Variants in SEC62 observed in about 807,000 individuals in gnomAD.
SEC62 encodes SEC62 preprotein translocation factor.
In SEC62, 10 loss-of-function variants were observed where a neutral mutation model predicts 47.5. The ratio of observed to expected loss-of-function variants is 0.21; its 90% CI spans 0.13 to 0.36. SEC62 has a LOEUF of 0.36. Among genes scored for constraint, SEC62 ranks in the 10% least tolerant of loss-of-function variants. SEC62 has a pLI of 1.00. For synonymous variants in SEC62, 136 were observed against 150.5 expected (o/e 0.90, Z 0.71); for missense variants, 327 against 464.1 (o/e 0.70, Z 2.71).
chr3:169,992,563 TACTC>T lies in SEC62; in HGVS notation c.731-29_731-26del. 2.0e-6 allele frequency: 3 copies of T among 1,492,912 alleles called. No homozygotes were observed. Among genetic ancestry groups the T allele is most frequent in the Admixed American group, 1.9e-5 (1 of 53,826 alleles). 92.5% of individuals were successfully genotyped at this position (1,492,912 alleles called of 1,614,324 possible). ...CTCCCTTCTGAGGCAGTGTTTGAAT[TACTC>T]AATTAGAGAAATTTTTCTCCCCACA... is the stretch of plus-strand genomic sequence containing the variant. On this transcript the variant is annotated intron_variant, in intron 7 of 7. Coordinates refer to ENST00000337002, the MANE Select transcript of SEC62 (RefSeq NM_003262.4). The surrounding 1 kb of genome is among the most constrained non-coding windows in gnomAD (Gnocchi z 4.0).
chr3:169,981,635 C>T lies in SEC62; in HGVS notation c.252-1072C>T, dbSNP rs551940159. 3.3e-5 allele frequency among the ~76,000 whole-genome samples: 5 copies of T among 152,240 alleles called. No homozygotes were observed. The East Asian group carries it at 9.6e-4, about 29-fold the overall frequency. Reference sequence around the variant, plus strand: ...TAGAACATGAGATTTGAAAAAGTGACTTTTAGATGACAAAAATAAGGGCAA... The same window carrying T: ...TAGAACATGAGATTTGAAAAAGTGATTTTTAGATGACAAAAATAAGGGCAA... On this transcript the variant is annotated intron_variant, in intron 3 of 7. Coordinates refer to ENST00000337002, the MANE Select transcript of SEC62 (RefSeq NM_003262.4).
chr3:169,967,637 C>A (rs1015321906), intron 1 of SEC62, among the ~76,000 whole-genome samples: 5 of 152,134 alleles, frequency 3.3e-5, no homozygotes, highest in Non-Finnish European at 1.5e-5. Context: ...TGCATTTCTT[C>A]CTTGCGATTT....
At chr3:169,982,367 A>G (rs1361857456) in intron 3 of SEC62, among the ~76,000 whole-genome samples, 1 of 152,130 alleles carries the variant, frequency 6.6e-6, no homozygotes, top group Non-Finnish European at 1.5e-5. Flanking sequence ...TGCATTTGAG[A>G]CTTAACATAA....
Position 169,966,852 on chromosome 3 carries a change from G to T in SEC62, c.30G>T (p.Arg10=). Reference sequence around the variant, plus strand: ...CGGAACGCAGGAGACACAAGAAGCGGATCCAGGTAGCAAAGCCGAGCTCTG... The same window carrying T: ...CGGAACGCAGGAGACACAAGAAGCGTATCCAGGTAGCAAAGCCGAGCTCTG... MAERRRHKK[R]IQEVGEPSKE... The change falls in exon 1 of 8, where the codon CGG becomes CGT. Residue 10 remains arginine, a synonymous_variant. Coordinates refer to ENST00000337002, the MANE Select transcript of SEC62 (RefSeq NM_003262.4). 1.9e-6 allele frequency: 3 copies of T among 1,556,346 alleles called. No individual in the cohort carries two copies. The highest frequency in any genetic ancestry group is 1.2e-5 in the South Asian group (1 of 84,276).
rs1715339891 is a variant in SEC62 at position 169,994,955 on chromosome 3, A to G, written c.*1892A>G. On this transcript the variant is annotated 3_prime_UTR_variant, in exon 8 of 8. Coordinates refer to ENST00000337002, the MANE Select transcript of SEC62 (RefSeq NM_003262.4). Reference sequence around the variant, plus strand: ...AGAATGTTAGTACAAATTTTTATAAATATTTGGTGATCCCTGGGGGGAAAT... The same window carrying G: ...AGAATGTTAGTACAAATTTTTATAAGTATTTGGTGATCCCTGGGGGGAAAT... 6.6e-6 allele frequency: 1 copy of G among 152,192 alleles called. No individual in the cohort carries two copies. The highest frequency in any genetic ancestry group is 2.4e-5 in the African/African-American group (1 of 41,464). 9.4% of individuals were successfully genotyped at this position (152,192 alleles called of 1,614,324 possible).
intron 1 of SEC62, among the ~76,000 whole-genome samples, chr3:169,970,505 G>A (rs1272068440): frequency 6.6e-6 from 1 of 152,038 alleles, no homozygotes; most frequent in East Asian, 1.9e-4. Flanking sequence ...TTAAATATTG[G>A]CTAAAATAAC....
At chr3:169,975,211 G>A (rs547429645) in intron 1 of SEC62, among the ~76,000 whole-genome samples, 2 of 150,410 alleles carry the variant, frequency 1.3e-5, no homozygotes, top group South Asian at 4.2e-4. Flanking sequence ...AACTCAGGAG[G>A]CAGAGGTTGC....
chr3:169,980,752 G>A (rs1330151178), intron 3 of SEC62, among the ~76,000 whole-genome samples: 7 of 152,228 alleles, frequency 4.6e-5, no homozygotes, highest in Middle Eastern at 6.8e-3. Flanking sequence ...ATGTTGCTTC[G>A]TAGATAGCCA....
intron 1 of SEC62, among the ~76,000 whole-genome samples, chr3:169,970,337 TGAACCAAGCC>T (rs1714666459): frequency 1.3e-5 from 2 of 152,238 alleles, no homozygotes; most frequent in Non-Finnish European, 2.9e-5. Flanking sequence ...TTATACTGCT[TGAACCAAGCC>T]TTTTTCTTTT....
rs556188639 is a variant in SEC62, at chr3:169,996,752, C to T, written c.*3689C>T. 6.6e-6 allele frequency: 1 copy of T among 152,436 alleles called. No individual in the cohort carries two copies. Among genetic ancestry groups the T allele is most frequent in the African/African-American group, 2.4e-5 (1 of 41,580 alleles). 9.4% of individuals were successfully genotyped at this position (152,436 alleles called of 1,614,324 possible). A position where few individuals can be genotyped will look rare whatever the true frequency, so the allele number is the denominator to read the frequency against. On this transcript the variant is annotated 3_prime_UTR_variant, in exon 8 of 8. Transcript: ENST00000337002. The stretch of plus-strand genomic sequence containing the variant: ...CTTCCCTGCTTTCCAGGTTGCCAGT[C>T]CCTGCACTCTTCCTTTCTGGCCAAG...
At chr3:169,978,449 G>C (rs1307716025) in intron 3 of SEC62, 1 of 152,204 alleles carries the variant, frequency 6.6e-6, no homozygotes, top group Admixed American at 6.5e-5. Context: ...TTCCAGGCTG[G>C]GCACAGTGGT....
At chr3:169,986,271 G>A (rs1715104841) in intron 6 of SEC62, among the ~76,000 whole-genome samples, 1 of 152,198 alleles carries the variant, frequency 6.6e-6, no homozygotes, top group South Asian at 2.1e-4. Context: ...GTAAAGGGCA[G>A]TTTGTCAGTA....
rs1715199664 is a variant in SEC62, at chr3:169,989,969, A to T, written c.730+1610A>T. ...GCATATAATATATATCATGTATATT[A>T]TATATGAATATATATGATATATAGA... On this transcript the variant is annotated intron_variant, in intron 7 of 7. Coordinates refer to ENST00000337002, the MANE Select transcript of SEC62 (RefSeq NM_003262.4). Among the ~76,000 whole-genome samples, 4 of 147,644 alleles carry T rather than the reference A, an allele frequency of 2.7e-5. No homozygotes were observed. The Admixed American group carries it at 2.7e-4, about 10-fold the overall frequency.
chr3:169,979,278 G>A (rs867646379), intron 3 of SEC62, among the ~76,000 whole-genome samples: 1 of 152,160 alleles, frequency 6.6e-6, no homozygotes, highest in South Asian at 2.1e-4. Context: ...CCCAATAGCA[G>A]ACAAAATCAC....
At position 169,992,683 on chromosome 3, in the gene SEC62, T is replaced by C. The variant is rs1402700487; in HGVS notation, c.820T>C (p.Phe274Leu). ...GCCAAATCTGACTGCTGATGTGGGC[T>C]TCATTGACTCCTTCAGGCCTCTGTA... ...FLPNLTADVG[F>L]IDSFRPLYTH... Residue 274 changes from phenylalanine to leucine, a missense_variant, in exon 8 of 8, where the codon TTC becomes CTC. Physicochemically the swap from Phe to Leu is conservative, Grantham distance 22 (BLOSUM62 0). Transcript: ENST00000337002. The surrounding 1 kb of genome is among the most constrained non-coding windows in gnomAD (Gnocchi z 4.0). 1 of 1,614,158 alleles carries C rather than the reference T, an allele frequency of 6.2e-7. No homozygotes were observed. The highest frequency in any genetic ancestry group is 8.5e-7 in the Non-Finnish European group (1 of 1,180,020).
rs1383709478 is a variant in SEC62, at chr3:169,992,281, C to T, written c.731-313C>T. ...CATTATTGCATTGTGACCTCAAGTT[C>T]AGAGCAACATTCTGTGCCCCTAGAA... is the stretch of plus-strand genomic sequence containing the variant. On this transcript the variant is annotated intron_variant, in intron 7 of 7. Transcript: ENST00000337002. This position sits in a 1 kb window ranked among gnomAD's most constrained non-coding sequence, Gnocchi z 4.0. Among the ~76,000 whole-genome samples the T allele has an allele frequency of 6.6e-6, 1 of 152,082 alleles. No individual in the cohort carries two copies. The highest frequency in any genetic ancestry group is 1.5e-5 in the Non-Finnish European group (1 of 68,006).
At chr3:169,982,581 A>G in intron 3 of SEC62, 126 bp from the exon 4 acceptor site, 1 of 1,077,932 alleles carries the variant, frequency 9.3e-7, no homozygotes, top group East Asian at 2.5e-5. Flanking sequence ...CGGGCATACT[A>G]GTTGTAATTT....
rs1328542839 is a variant in SEC62, at chr3:169,997,966, T to G, written c.*4903T>G. 3 of 152,222 alleles carry G rather than the reference T, an allele frequency of 2.0e-5. No homozygotes were observed. The highest frequency in any genetic ancestry group is 4.4e-5 in the Non-Finnish European group (3 of 68,034). The allele number at this position is 152,222 out of a possible 1,614,324, so 9.4% of individuals were successfully genotyped here. On this transcript the variant is annotated 3_prime_UTR_variant, in exon 8 of 8. Coordinates refer to ENST00000337002, the MANE Select transcript of SEC62 (RefSeq NM_003262.4). ...ATATATTAGATATCTGCAACAACTG[T>G]GATGTAACATGAAAATACCTGATTT... is the stretch of plus-strand genomic sequence containing the variant.
chr3:169,981,132 ATATATG>A (rs1342859655), intron 3 of SEC62, among the ~76,000 whole-genome samples: 1 of 152,196 alleles, frequency 6.6e-6, no homozygotes, highest in African/African-American at 2.4e-5. Context: ...TTGTTTGTTT[ATATATG>A]TATATGTATT....
Sources: allele counts gnomAD v4.1 joint callset (sites outside exome capture counted in the v4.1 genomes callset), GRCh38; gene constraint gnomAD v4.1.1; non-coding constraint Gnocchi (gnomAD v3.1); transcripts MANE v1.5; gene names NCBI Gene and HGNC (gene_info 2026-07-23, HGNC 2026-07-21).